Variants in AFG1L observed in about 807,000 individuals in gnomAD.
AFG1L encodes the protein AFG1 like ATPase, also known as AFG1-like ATPase.
Under a neutral mutation model 62.2 loss-of-function variants are expected in AFG1L, and 53 were observed. That is an observed-to-expected ratio of 0.85 (90% CI 0.68 to 1.07). The LOEUF (loss-of-function observed/expected upper bound fraction) is 1.07. Among genes scored for constraint, AFG1L ranks in the 50% least tolerant of loss-of-function variants. The probability of loss-of-function intolerance (pLI) is 0.00; values close to 1 mark genes in which losing one functional copy is unlikely to be tolerated. For synonymous variants in AFG1L, 228 were observed against 210.3 expected (o/e 1.08, Z -0.73); for missense variants, 555 against 590.5 (o/e 0.94, Z 0.62).
At chr6:108,486,289 A>C (rs1392574418) in intron 10 of AFG1L, among the ~76,000 whole-genome samples, 1 of 152,138 alleles carries the variant, frequency 6.6e-6, no homozygotes, top group Admixed American at 6.5e-5. Flanking sequence ...AGTAGTCCTT[A>C]AGTGTTTGTT....
intron 10 of AFG1L, among the ~76,000 whole-genome samples, chr6:108,485,656 AT>A (rs397842829): frequency 3.1e-3 from 77 of 24,888 alleles, no homozygotes; most frequent in South Asian, 9.1e-3. Flanking sequence ...ATATATATAT[AT>A]TTTTTTTTTT....
intron 10 of AFG1L, among the ~76,000 whole-genome samples, chr6:108,497,613 A>G (rs987267275): frequency 6.6e-6 from 1 of 152,136 alleles, no homozygotes; most frequent in African/African-American, 2.4e-5. Context: ...TCTTGTATAC[A>G]GTAAATCATA....
chr6:108,334,078 G>T (rs1017503208), intron 2 of AFG1L, among the ~76,000 whole-genome samples: 1 of 152,114 alleles, frequency 6.6e-6, no homozygotes, highest in East Asian at 1.9e-4. Context: ...TGCGATCTCG[G>T]CTCACTGTAA....
intron 11 of AFG1L, among the ~76,000 whole-genome samples, chr6:108,517,187 A>G (rs1041019456): frequency 3.4e-4 from 52 of 152,366 alleles, no homozygotes; most frequent in Admixed American, 1.2e-3. Flanking sequence ...AAGAGCCCGC[A>G]TTGCCAAGAC....
chr6:108,489,598 C>T (rs1210626595), intron 10 of AFG1L, among the ~76,000 whole-genome samples: 3 of 152,054 alleles, frequency 2.0e-5, no homozygotes, highest in Non-Finnish European at 4.4e-5. Context: ...ATTGCTGCCT[C>T]GAGGAGGGGC....
At chr6:108,372,160 A>G (rs1400421102) in intron 6 of AFG1L, among the ~76,000 whole-genome samples, 1 of 151,268 alleles carries the variant, frequency 6.6e-6, no homozygotes, top group Non-Finnish European at 1.5e-5. Flanking sequence ...ACTTTTTTTC[A>G]TTTATTTCAA....
intron 2 of AFG1L, among the ~76,000 whole-genome samples, chr6:108,326,240 T>G (rs188943934): frequency 1.3e-3 from 205 of 152,248 alleles, no homozygotes; most frequent in African/African-American, 4.7e-3. Flanking sequence ...CTCCACTAAT[T>G]TTTTAATTTT....
At chr6:108,492,285 A>G (rs534198778) in intron 10 of AFG1L, among the ~76,000 whole-genome samples, 1 of 151,360 alleles carries the variant, frequency 6.6e-6, no homozygotes, top group Admixed American at 6.6e-5. Flanking sequence ...TCTCAAAGCC[A>G]GACAAATGTA....
intron 3 of AFG1L, among the ~76,000 whole-genome samples, chr6:108,349,876 C>T (rs190226957): frequency 2.0e-5 from 3 of 152,128 alleles, no homozygotes; most frequent in Non-Finnish European, 2.9e-5. Context: ...GAGATTGCAC[C>T]ACTGCACTCC....
chr6:108,300,749 T>C (rs946089273), intron 1 of AFG1L, among the ~76,000 whole-genome samples: 24 of 151,878 alleles, frequency 1.6e-4, no homozygotes, highest in African/African-American at 4.6e-4. Context: ...GTCGGCTCAC[T>C]GCAACCTCCG....
intron 10 of AFG1L, among the ~76,000 whole-genome samples, chr6:108,505,921 A>G (rs1774402737): frequency 1.3e-5 from 2 of 152,242 alleles, no homozygotes; most frequent in South Asian, 2.1e-4. Flanking sequence ...ACATATGTAG[A>G]TGTACTTGAT....
chr6:108,428,724 T>C (rs956206243), intron 7 of AFG1L, among the ~76,000 whole-genome samples: 1 of 152,328 alleles, frequency 6.6e-6, no homozygotes, highest in South Asian at 2.1e-4. Flanking sequence ...TTTTTCCATA[T>C]GTTTGTTGTC....
chr6:108,447,067 C>A (rs1771838048), intron 7 of AFG1L, 147 bp from the exon 8 acceptor site: 1 of 405,984 alleles, frequency 2.5e-6, no homozygotes, highest in African/African-American at 2.1e-5. Flanking sequence ...ATGAATCTTG[C>A]ATGAGTTCTG....
At chr6:108,357,534 T>C (rs935447508) in intron 5 of AFG1L, among the ~76,000 whole-genome samples, 1 of 152,236 alleles carries the variant, frequency 6.6e-6, no homozygotes, top group Non-Finnish European at 1.5e-5. Context: ...GGTCGATGAC[T>C]GTACATCTCC....
chr6:108,314,831 G>A lies in AFG1L; in HGVS notation c.140-8994G>A, dbSNP rs558997041. Among the ~76,000 whole-genome samples, 12 of 151,776 alleles carry A rather than the reference G, an allele frequency of 7.9e-5. No homozygotes were observed. In the South Asian group the frequency reaches 2.1e-3, roughly 26 times the overall value. On this transcript the variant is annotated intron_variant, in intron 1 of 12. Transcript: ENST00000368977. ...CTTACCATGGCTTTTAAGGCCCTACGTCATTTAGTGCTTGTACTTTTTTTT... is the reference window on the plus strand; with the variant it reads ...CTTACCATGGCTTTTAAGGCCCTACATCATTTAGTGCTTGTACTTTTTTTT...
At chr6:108,463,148 G>C (rs1024277005) in intron 8 of AFG1L, among the ~76,000 whole-genome samples, 1 of 152,072 alleles carries the variant, frequency 6.6e-6, no homozygotes, top group Non-Finnish European at 1.5e-5. Context: ...AATTAGCCAG[G>C]TATGGTGGTG....
At chr6:108,422,477 C>CAAAAAAAAAAAAAAAAAA (rs539232525) in intron 7 of AFG1L, among the ~76,000 whole-genome samples, 1,046 of 45,700 alleles carry the variant, frequency 0.023, 197 homozygotes, top group African/African-American at 0.029. Context: ...TAGTCCTCAG[C>CAAAAAAAAAAAAAAAAAA]AAAAAAAAAA....
At chr6:108,434,143 G>A (rs1023470911) in intron 7 of AFG1L, among the ~76,000 whole-genome samples, 1 of 152,204 alleles carries the variant, frequency 6.6e-6, no homozygotes, top group Non-Finnish European at 1.5e-5. Flanking sequence ...TCTGACACAT[G>A]TATATTGAAC....
chr6:108,344,511 A>G (rs1178478478), intron 2 of AFG1L, among the ~76,000 whole-genome samples: 1 of 152,160 alleles, frequency 6.6e-6, no homozygotes, highest in Non-Finnish European at 1.5e-5. Flanking sequence ...GCTTGAGTCC[A>G]GGAGTTCAAG....
Sources: allele counts gnomAD v4.1 joint callset (sites outside exome capture counted in the v4.1 genomes callset), GRCh38; gene constraint gnomAD v4.1.1; transcripts MANE v1.5; gene names NCBI Gene and HGNC (gene_info 2026-07-23, HGNC 2026-07-21).